Variants in GFPT1 observed in about 807,000 individuals in gnomAD.
GFPT1 encodes the protein glutamine--fructose-6-phosphate aminotransferase [isomerizing] 1.
A neutral mutation model predicts 92.0 loss-of-function variants in GFPT1; 40 were observed. That is an observed-to-expected ratio of 0.43 (90% CI 0.34 to 0.57). GFPT1 has a LOEUF of 0.57. Ranked by LOEUF, GFPT1 falls within the 20% of genes least tolerant of loss-of-function variation. The pLI is 0.02. For synonymous variants in GFPT1, 269 were observed against 280.6 expected (o/e 0.96, Z 0.41); for missense variants, 448 against 869.1 (o/e 0.52, Z 6.09).
Position 69,338,446 on chromosome 2 carries a change from T to A in GFPT1, c.1323A>T (p.Ser441=). 1.9e-6 allele frequency: 3 copies of A among 1,612,204 alleles called. No individual in the cohort carries two copies. Among genetic ancestry groups the A allele is most frequent in the Non-Finnish European group, 2.5e-6 (3 of 1,178,302 alleles). Residue 441 remains serine, a splice_region_variant and synonymous_variant, in exon 14 of 20, where the codon TCA becomes TCT. Transcript: ENST00000357308. The part of the protein sequence containing the change: ...RDDVCFFLSQ[S]GETADTLMGL... ...TTTAAGTCTTTAAAATTAACACACC[T>A]GATTGACTAAGGAAAAAGCAAACAT...
intron 12 of GFPT1, among the ~76,000 whole-genome samples, chr2:69,343,715 C>T (rs1309194839): frequency 1.1e-4 from 17 of 152,072 alleles, no homozygotes; most frequent in Admixed American, 1.1e-3. Context: ...CCCAGCCAGT[C>T]CACCTTCTTT....
In GFPT1 at chr2:69,341,955, C is replaced by G. The variant is rs183199283; in HGVS notation, c.1203+197G>C. Among the ~76,000 whole-genome samples the G allele has an allele frequency of 2.7e-3, 410 of 152,274 alleles. 1 individual carries two copies. The highest frequency in any genetic ancestry group is 4.6e-3 in the Non-Finnish European group (310 of 68,018). Reference sequence around the variant, plus strand: ...GAGGTCTATCTGTATATCTAGGGACCTTTTCTACAGATCTTCCATGGATAA... The same window carrying G: ...GAGGTCTATCTGTATATCTAGGGACGTTTTCTACAGATCTTCCATGGATAA... On this transcript the variant is annotated intron_variant, in intron 13 of 19. Transcript: ENST00000357308.
chr2:69,332,804 A>G (rs1670696321), intron 15 of GFPT1, among the ~76,000 whole-genome samples: 1 of 151,824 alleles, frequency 6.6e-6, no homozygotes, highest in Non-Finnish European at 1.5e-5. Flanking sequence ...GCGCGCGCGG[A>G]TTATATGCTG....
In GFPT1 at chr2:69,354,186, G is replaced by T; in HGVS notation, c.739+73C>A. ...GGCCCAGCACATTCATTCACTCCAA[G>T]AACAAAAGAATTAGTAAAGAATAAA... On this transcript the variant is annotated intron_variant, in intron 9 of 19. Transcript: ENST00000357308. The T allele has an allele frequency of 3.8e-6, 4 of 1,063,434 alleles. No individual in the cohort carries two copies. The South Asian group carries it at 4.3e-5, about 11-fold the overall frequency. 65.9% of individuals were successfully genotyped at this position (1,063,434 alleles called of 1,614,324 possible). A position where few individuals can be genotyped will look rare whatever the true frequency, so the allele number is the denominator to read the frequency against.
At chr2:69,383,269 A>T (rs1467498788) in intron 1 of GFPT1, among the ~76,000 whole-genome samples, 2 of 152,242 alleles carry the variant, frequency 1.3e-5, no homozygotes, top group African/African-American at 4.8e-5. Flanking sequence ...CTCCAAGAGC[A>T]GAATTTCCCA....
Position 69,342,227 on chromosome 2 carries a change from A to G in GFPT1, c.1128T>C (p.Asp376=). ...DYTVNLGGLK[D]HIKEIQRCRR... ...GGCATCTCTGGATCTCCTTTATGTG[A>G]TCCTTCAAACCACCCAAATTCACTG... is the stretch of plus-strand genomic sequence containing the variant. The change falls in exon 13 of 20, where the codon GAT becomes GAC. Residue 376 remains aspartate (D), a synonymous_variant. Coordinates refer to ENST00000357308, the MANE Select transcript of GFPT1 (RefSeq NM_001244710.2). The G allele has an allele frequency of 6.2e-7, 1 of 1,608,458 alleles. No individual in the cohort carries two copies. The highest frequency in any genetic ancestry group is 8.5e-7 in the Non-Finnish European group (1 of 1,174,900).
At chr2:69,371,627 G>A (rs1028659071) in intron 2 of GFPT1, among the ~76,000 whole-genome samples, 9 of 151,562 alleles carry the variant, frequency 5.9e-5, no homozygotes, top group Non-Finnish European at 7.4e-5. Flanking sequence ...CACGAGGTCA[G>A]GAGATCGAGA....
chr2:69,334,792 C>T (rs1055416094), intron 15 of GFPT1: 1 of 152,112 alleles, frequency 6.6e-6, no homozygotes, highest in Non-Finnish European at 1.5e-5. Context: ...CATAATACAG[C>T]AAGAGAAAAC....
At position 69,338,039 on chromosome 2, in the gene GFPT1, A is replaced by G. The variant is rs1225739069; in HGVS notation, c.1341T>C (p.Thr447=). Residue 447 remains threonine, a synonymous_variant, in exon 15 of 20, where the codon ACT becomes ACC. Coordinates refer to ENST00000357308, the MANE Select transcript of GFPT1 (RefSeq NM_001244710.2). The stretch of plus-strand genomic sequence containing the variant: ...CCTTACAGTAACGAAGACCCATCAA[A>G]GTATCTGCTGTCTCACCTGTGTAAA... ...FLSQSGETAD[T]LMGLRYCKER... 1 of 1,614,030 alleles carries G rather than the reference A, an allele frequency of 6.2e-7. No individual in the cohort carries two copies. The highest frequency in any genetic ancestry group is 1.3e-5 in the African/African-American group (1 of 74,936).
chr2:69,360,441 T>C (rs1417888115), intron 4 of GFPT1, among the ~76,000 whole-genome samples: 1 of 90,644 alleles, frequency 1.1e-5, no homozygotes, highest in African/African-American at 7.5e-5. Flanking sequence ...ATTATCAAAA[T>C]ATTTTTTTTT....
chr2:69,353,089 T>A (rs1384588503), intron 9 of GFPT1, among the ~76,000 whole-genome samples: 4 of 151,460 alleles, frequency 2.6e-5, no homozygotes, highest in Non-Finnish European at 5.9e-5. Flanking sequence ...TATCAATGTC[T>A]GTTTAAATGA....
chr2:69,355,307 G>C (rs1671310901), intron 7 of GFPT1, among the ~76,000 whole-genome samples: 1 of 152,062 alleles, frequency 6.6e-6, no homozygotes. Flanking sequence ...GGAACTCCTG[G>C]GGTCAAGCAA....
chr2:69,341,596 G>A (rs2104623220), intron 13 of GFPT1, among the ~76,000 whole-genome samples: 1 of 152,054 alleles, frequency 6.6e-6, no homozygotes, highest in East Asian at 1.9e-4. Context: ...GCAAATATTG[G>A]TCTTTTATTG....
chr2:69,363,011 C>A (rs184874266), intron 4 of GFPT1, among the ~76,000 whole-genome samples: 3 of 151,494 alleles, frequency 2.0e-5, no homozygotes, highest in Non-Finnish European at 4.4e-5. Flanking sequence ...TTTGGGAGGC[C>A]GAGACGGGAG....
At chr2:69,357,466 A>G (rs1018254208) in intron 6 of GFPT1, among the ~76,000 whole-genome samples, 4 of 152,224 alleles carry the variant, frequency 2.6e-5, no homozygotes, top group African/African-American at 9.6e-5. Flanking sequence ...TGGATTATAC[A>G]ATGAATAAAA....
rs995274055 is a variant in GFPT1 at position 69,324,245 on chromosome 2, C to T, written c.*1944G>A. 2 of 152,110 alleles carry T rather than the reference C, an allele frequency of 1.3e-5. No homozygotes were observed. Among genetic ancestry groups the T allele is most frequent in the Non-Finnish European group, 2.9e-5 (2 of 68,030 alleles). 9.4% of individuals were successfully genotyped at this position (152,110 alleles called of 1,614,324 possible). On this transcript the variant is annotated 3_prime_UTR_variant, in exon 20 of 20. Transcript: ENST00000357308. Reference sequence around the variant, plus strand: ...CATGTGCTTTATAGAAAGACACACACAGAGGGAGACAGAGATTATGCAGAC... The same window carrying T: ...CATGTGCTTTATAGAAAGACACACATAGAGGGAGACAGAGATTATGCAGAC...
At chr2:69,344,500 C>T (rs1453221196) in intron 12 of GFPT1, among the ~76,000 whole-genome samples, 1 of 152,252 alleles carries the variant, frequency 6.6e-6, no homozygotes, top group Non-Finnish European at 1.5e-5. Context: ...ACAATGAATA[C>T]ATGGGGAGTA....
At position 69,321,178 on chromosome 2, in the gene GFPT1, T is replaced by C. The variant is rs1388124359; in HGVS notation, c.*5011A>G. The C allele has an allele frequency of 1.3e-5, 2 of 152,228 alleles. No homozygotes were observed. The highest frequency in any genetic ancestry group is 2.9e-5 in the Non-Finnish European group (2 of 68,032). 9.4% of individuals were successfully genotyped at this position (152,228 alleles called of 1,614,324 possible). A position where few individuals can be genotyped will look rare whatever the true frequency, so the allele number is the denominator to read the frequency against. On this transcript the variant is annotated 3_prime_UTR_variant, in exon 20 of 20. Transcript: ENST00000357308. ...TCAATTCACTTAAAAGTTTTAATCA[T>C]TGCATACCCCGTAAACTTCCTATAA...
At chr2:69,385,580 T>C (rs1469350350) in intron 1 of GFPT1, among the ~76,000 whole-genome samples, 5 of 152,024 alleles carry the variant, frequency 3.3e-5, no homozygotes, top group Admixed American at 3.3e-4. Flanking sequence ...TACGTTTTTT[T>C]CTTGGAACAT....
Sources: gnomAD v4.1 joint callset for allele counts (sites outside exome capture counted in the v4.1 genomes callset) on GRCh38, gnomAD v4.1.1 for gene constraint, MANE v1.5 for transcripts, NCBI Gene and HGNC (gene_info 2026-07-23, HGNC 2026-07-21) for gene names.